The following FYB1 variants were observed in gnomAD, a reference collection of about 807,000 sequenced individuals.
FYB1 encodes FYN binding protein 1, also known as FYN-binding protein 1.
FYB1 carries 41 observed loss-of-function variants against 94.1 expected under a neutral mutation model. The ratio of observed to expected loss-of-function variants is 0.44; its 90% CI spans 0.34 to 0.57. The LOEUF (loss-of-function observed/expected upper bound fraction) is 0.57. Among genes scored for constraint, FYB1 ranks in the 20% least tolerant of loss-of-function variants. The pLI, the probability that FYB1 is intolerant of heterozygous loss-of-function variation, is 0.02. For synonymous variants in FYB1, 367 were observed against 353.2 expected (o/e 1.04, Z -0.44); for missense variants, 1,050 against 976.8 (o/e 1.07, Z -1.00).
intron 2 of FYB1, among the ~76,000 whole-genome samples, chr5:39,168,156 T>C (rs1230192691): frequency 1.3e-5 from 2 of 152,224 alleles, no homozygotes; most frequent in Non-Finnish European, 2.9e-5. Flanking sequence ...CCTATTTTTT[T>C]CAAAAACTTT....
Position 39,202,703 on chromosome 5 carries a change from A to G in FYB1, c.258T>C (p.Thr86=), listed in dbSNP as rs2150498881. 1 of 1,613,690 alleles carries G rather than the reference A, an allele frequency of 6.2e-7. No individual in the cohort carries two copies. Among genetic ancestry groups the G allele is most frequent in the East Asian group, 2.2e-5 (1 of 44,838 alleles). The part of the protein sequence containing the change: ...KEPKPPFLKP[T]GAGQRFGTPA... ...GTGTTCCGAATCTTTGGCCTGCTCC[A>G]GTGGGCTTTAGAAACGGGGGCTTGG... Residue 86 remains threonine (T), a synonymous_variant, in exon 2 of 19, where the codon ACT becomes ACC. Coordinates refer to ENST00000512982, the MANE Select transcript of FYB1 (RefSeq NM_001465.6).
intron 2 of FYB1, among the ~76,000 whole-genome samples, chr5:39,188,676 C>T (rs907139490): frequency 7.3e-5 from 11 of 151,436 alleles, no homozygotes; most frequent in Non-Finnish European, 1.5e-4. Flanking sequence ...GGGTTACAGG[C>T]GCCTGCCACC....
At chr5:39,252,923 T>G (rs1197576601) in intron 1 of FYB1, among the ~76,000 whole-genome samples, 1 of 152,226 alleles carries the variant, frequency 6.6e-6, no homozygotes, top group Non-Finnish European at 1.5e-5. Flanking sequence ...TACAACTGTG[T>G]CTGGCATAGG....
At chr5:39,129,578 T>C (rs937194107) in intron 10 of FYB1, among the ~76,000 whole-genome samples, 4 of 151,910 alleles carry the variant, frequency 2.6e-5, no homozygotes, top group Non-Finnish European at 4.4e-5. Context: ...GGATGAGTAT[T>C]CAGAATATAC....
intron 9 of FYB1, among the ~76,000 whole-genome samples, chr5:39,133,596 T>G (rs1258015670): frequency 6.6e-6 from 1 of 152,118 alleles, no homozygotes; most frequent in African/African-American, 2.4e-5. Flanking sequence ...TCTCCTCTCA[T>G]TGGTCCTCCA....
At chr5:39,236,207 A>G (rs1206960746) in intron 1 of FYB1, among the ~76,000 whole-genome samples, 2 of 152,078 alleles carry the variant, frequency 1.3e-5, no homozygotes, top group Admixed American at 6.6e-5. Flanking sequence ...TTTGCTTTGA[A>G]GTTAAGGATA....
intron 1 of FYB1, among the ~76,000 whole-genome samples, chr5:39,267,405 C>CATCAT (rs1752480581): frequency 1.6e-5 from 2 of 122,658 alleles, no homozygotes; most frequent in African/African-American, 5.8e-5. Context: ...ATCATCATCA[C>CATCAT]GTCATCACCA....
At chr5:39,164,824 G>T (rs1471358443) in intron 2 of FYB1, among the ~76,000 whole-genome samples, 4 of 152,196 alleles carry the variant, frequency 2.6e-5, no homozygotes, top group African/African-American at 9.7e-5. Context: ...CATCCAGGAA[G>T]CAAGCTTTTC....
At chr5:39,187,790 A>C (rs1746974676) in intron 2 of FYB1, among the ~76,000 whole-genome samples, 1 of 152,018 alleles carries the variant, frequency 6.6e-6, no homozygotes, top group Non-Finnish European at 1.5e-5. Context: ...TATTTGTTGT[A>C]GTGCTTCCAT....
At chr5:39,189,816 T>C (rs1747192083) in intron 2 of FYB1, among the ~76,000 whole-genome samples, 1 of 152,226 alleles carries the variant, frequency 6.6e-6, no homozygotes. Flanking sequence ...TGCACACACA[T>C]GCCTTTGATA....
rs75206190 is a variant in FYB1, at chr5:39,118,858, A to G, written c.2401+16T>C. ...GACATATATATGCACATATTATAGT[A>G]TAAGCAGTGACTTACATTTCCCTTC... On this transcript the variant is annotated intron_variant, in intron 16 of 18. Coordinates refer to ENST00000512982, the MANE Select transcript of FYB1 (RefSeq NM_001465.6). The G allele has an allele frequency of 2.8e-6, 4 of 1,442,606 alleles. No individual in the cohort carries two copies. Among genetic ancestry groups the G allele is most frequent in the African/African-American group, 2.9e-5 (2 of 69,584 alleles). 89.4% of individuals were successfully genotyped at this position (1,442,606 alleles called of 1,614,324 possible).
At chr5:39,125,081 G>GAA (rs201248402) in intron 12 of FYB1, among the ~76,000 whole-genome samples, 2 of 146,238 alleles carry the variant, frequency 1.4e-5, no homozygotes, top group African/African-American at 5.0e-5. Flanking sequence ...AATTGAAGCA[G>GAA]AAAAAAAAAA....
intron 1 of FYB1, among the ~76,000 whole-genome samples, chr5:39,216,675 A>G (rs1020682549): frequency 6.6e-6 from 1 of 152,186 alleles, no homozygotes; most frequent in Non-Finnish European, 1.5e-5. Context: ...GGGAAGAAAG[A>G]CTGTTTCATG....
chr5:39,195,630 T>C (rs1163559043), intron 2 of FYB1, among the ~76,000 whole-genome samples: 4 of 152,232 alleles, frequency 2.6e-5, no homozygotes, highest in African/African-American at 9.6e-5. Flanking sequence ...TAACTGATCA[T>C]TCCTATAGCT....
intron 1 of FYB1, among the ~76,000 whole-genome samples, chr5:39,253,918 T>C (rs1424889777): frequency 2.0e-5 from 3 of 152,194 alleles, no homozygotes; most frequent in Non-Finnish European, 4.4e-5. Flanking sequence ...AGCTTGCACT[T>C]ATAAATGAGA....
chr5:39,126,088 A>G lies in FYB1; in HGVS notation c.1955T>C (p.Ile652Thr), dbSNP rs2150297506. The G allele has an allele frequency of 1.9e-6, 3 of 1,613,542 alleles. No homozygotes were observed. Among genetic ancestry groups the G allele is most frequent in the Middle Eastern group, 1.7e-4 (1 of 6,060 alleles). Residue 652 changes from isoleucine to threonine, a missense_variant, in exon 12 of 19, where the codon ATT becomes ACT. Transcript: ENST00000512982. Reference sequence around the variant, plus strand: ...ATCTTTTCCCTTTAACATCTTCAAAATCCCCCAGGACCACGTATTACTCTT... The same window carrying G: ...ATCTTTTCCCTTTAACATCTTCAAAGTCCCCCAGGACCACGTATTACTCTT... The part of the protein sequence containing the change: ...QEKSNTWSWG[I>T]LKMLKGKDDR...
At chr5:39,193,250 C>A (rs2150467196) in intron 2 of FYB1, among the ~76,000 whole-genome samples, 1 of 152,286 alleles carries the variant, frequency 6.6e-6, no homozygotes, top group South Asian at 2.1e-4. Context: ...ATCTTGCTGT[C>A]TGCCTTGTGA....
chr5:39,157,808 G>T (rs1455584803), intron 2 of FYB1, among the ~76,000 whole-genome samples: 1 of 152,200 alleles, frequency 6.6e-6, no homozygotes, highest in African/African-American at 2.4e-5. Flanking sequence ...ACAGGATTGT[G>T]CAGGGGTATG....
chr5:39,164,428 T>TTTG (rs1187211949), intron 2 of FYB1, among the ~76,000 whole-genome samples: 12 of 152,260 alleles, frequency 7.9e-5, no homozygotes, highest in African/African-American at 2.2e-4. Context: ...ACGTTCTTTT[T>TTTG]TTGTTGTTGT....
Sources: allele counts gnomAD v4.1 joint callset (sites outside exome capture counted in the v4.1 genomes callset), GRCh38; gene constraint gnomAD v4.1.1; transcripts MANE v1.5; gene names NCBI Gene and HGNC (gene_info 2026-07-23, HGNC 2026-07-21).